TMX3: variants seen among roughly 807,000 people sequenced by gnomAD.
The protein encoded by TMX3 is thioredoxin related transmembrane protein 3.
Under a neutral mutation model 64.4 loss-of-function variants are expected in TMX3, and 40 were observed. The observed-to-expected ratio is 0.62, with a 90% CI of 0.48 to 0.81. The LOEUF (loss-of-function observed/expected upper bound fraction) is 0.81, where lower values mean the gene tolerates loss of function less well. TMX3 is among the 30% of genes least tolerant of loss of function. The pLI is 0.00. For synonymous variants in TMX3, 189 were observed against 175.7 expected, an observed-to-expected ratio of 1.08 and a Z score of -0.60; for missense variants, 497 against 534.5, an observed-to-expected ratio of 0.93 and a Z score of 0.69.
At chr18:68,708,052 T>C (rs1217652877) in intron 4 of TMX3, among the ~76,000 whole-genome samples, 1 of 150,968 alleles carries the variant, frequency 6.6e-6, no homozygotes, top group Non-Finnish European at 1.5e-5. Context: ...TGTGTATATA[T>C]ATGTGTATAT....
chr18:68,706,679 T>C (rs2030706965), intron 4 of TMX3, among the ~76,000 whole-genome samples: 1 of 152,212 alleles, frequency 6.6e-6, no homozygotes. Flanking sequence ...AATCCTTTAG[T>C]GTTCTACAGG....
At chr18:68,702,608 C>G (rs1361648264) in intron 4 of TMX3, among the ~76,000 whole-genome samples, 3 of 152,068 alleles carry the variant, frequency 2.0e-5, no homozygotes, top group African/African-American at 7.2e-5. Context: ...CACGTTATAC[C>G]ATAAAGATAT....
At chr18:68,703,582 T>G (rs2030343109) in intron 4 of TMX3, among the ~76,000 whole-genome samples, 1 of 152,180 alleles carries the variant, frequency 6.6e-6, no homozygotes, top group African/African-American at 2.4e-5. Flanking sequence ...ACAGTTAACA[T>G]TAACCTTCGC....
chr18:68,675,881 TG>T lies in TMX3; in HGVS notation c.*1051del, dbSNP rs1912888485. ...GCTGATCTCTTTTTTTTACACCGGATGTGACTTGTCACTGGACATGCTAATG... is the reference window on the plus strand; with the variant it reads ...GCTGATCTCTTTTTTTTACACCGGATTGACTTGTCACTGGACATGCTAATG... On this transcript the variant is annotated 3_prime_UTR_variant, in exon 16 of 16. Coordinates refer to ENST00000299608, the MANE Select transcript of TMX3 (RefSeq NM_019022.5). 1 of 152,158 alleles carries T rather than the reference TG, an allele frequency of 6.6e-6. No homozygotes were observed. 9.4% of individuals were successfully genotyped at this position (152,158 alleles called of 1,614,324 possible).
chr18:68,701,808 T>C lies in TMX3; in HGVS notation c.266-18A>G. The C allele has an allele frequency of 6.2e-7, 1 of 1,601,068 alleles. No individual in the cohort carries two copies. Among genetic ancestry groups the C allele is most frequent in the Non-Finnish European group, 8.5e-7 (1 of 1,175,658 alleles). On this transcript the variant is annotated intron_variant, in intron 4 of 15. Coordinates refer to ENST00000299608, the MANE Select transcript of TMX3 (RefSeq NM_019022.5). ...AGCAATGCCTTGATAAGAAAAAGAATAAAGCATTCTAAATTTTTTTTAAAT... is the reference window on the plus strand; with the variant it reads ...AGCAATGCCTTGATAAGAAAAAGAACAAAGCATTCTAAATTTTTTTTAAAT...
chr18:68,700,663 C>T, intron 5 of TMX3, 178 bp from the exon 6 acceptor site: 1 of 894,410 alleles, frequency 1.1e-6, no homozygotes, highest in African/African-American at 1.8e-5. Flanking sequence ...GGACCAGTAA[C>T]ACAAAAGAAA....
rs142748298 is a variant in TMX3, at chr18:68,683,155, G to A, written c.849-174C>T. On this transcript the variant is annotated intron_variant, in intron 12 of 15. Coordinates refer to ENST00000299608, the MANE Select transcript of TMX3 (RefSeq NM_019022.5). ...ATGTAAATCATATACAATAAACACT[G>A]CTAAAAGTGTAAATTCTACTGGCTT... Among the ~76,000 whole-genome samples, 3 of 152,194 alleles carry A rather than the reference G, an allele frequency of 2.0e-5. No homozygotes were observed. The East Asian group carries it at 5.8e-4, about 29-fold the overall frequency.
At position 68,687,296 on chromosome 18, in the gene TMX3, C is replaced by T. The variant is rs1914060606; in HGVS notation, c.736+371G>A. ...CCATGCCAATTTAACTTACATTTTT[C>T]CCTTTCACAGGTAAAAGCAGGCCTT... On this transcript the variant is annotated intron_variant, in intron 10 of 15. Coordinates refer to ENST00000299608, the MANE Select transcript of TMX3 (RefSeq NM_019022.5). 3.0e-6 allele frequency: 3 copies of T among 985,276 alleles called. No homozygotes were observed. The African/African-American group carries it at 5.2e-5, about 17-fold the overall frequency. The allele number at this position is 985,276 out of a possible 1,614,324, so 61.0% of individuals were successfully genotyped here.
intron 8 of TMX3, among the ~76,000 whole-genome samples, chr18:68,696,322 C>A (rs891530540): frequency 1.3e-5 from 2 of 151,418 alleles, no homozygotes; most frequent in Non-Finnish European, 2.9e-5. Context: ...TACAGGCGTG[C>A]GCCACCACAC....
chr18:68,695,887 C>G (rs1029528386), intron 8 of TMX3, among the ~76,000 whole-genome samples: 7 of 152,328 alleles, frequency 4.6e-5, no homozygotes, highest in African/African-American at 1.7e-4. Flanking sequence ...ACAATGCCTA[C>G]ACTGCCCTCC....
chr18:68,696,212 C>T (rs1397419426), intron 8 of TMX3, among the ~76,000 whole-genome samples: 2 of 152,162 alleles, frequency 1.3e-5, no homozygotes, highest in Non-Finnish European at 2.9e-5. Flanking sequence ...CTCACTCTGT[C>T]GCCCAGGCTG....
At chr18:68,697,131 T>C in intron 8 of TMX3, 95 bp downstream of exon 8, 1 of 703,814 alleles carries the variant, frequency 1.4e-6, no homozygotes, top group Non-Finnish European at 2.4e-6. Context: ...AAATCAATAA[T>C]TTAATCAAGT....
intron 2 of TMX3, among the ~76,000 whole-genome samples, chr18:68,711,908 T>C (rs2031317576): frequency 6.6e-6 from 1 of 152,188 alleles, no homozygotes; most frequent in African/African-American, 2.4e-5. Flanking sequence ...ATCACTCCCC[T>C]GAAGATGTGC....
chr18:68,693,342 C>T (rs899725137), intron 8 of TMX3, among the ~76,000 whole-genome samples: 1 of 152,076 alleles, frequency 6.6e-6, no homozygotes, highest in Admixed American at 6.5e-5. Context: ...GGGTGGGAGC[C>T]CCACGCTCCC....
chr18:68,714,664 C>A (rs936967627), intron 1 of TMX3, among the ~76,000 whole-genome samples: 1 of 152,272 alleles, frequency 6.6e-6, no homozygotes, highest in Non-Finnish European at 1.5e-5. Context: ...ATTGAAACTT[C>A]TGCCACAATG....
At position 68,676,759 on chromosome 18, in the gene TMX3, T is replaced by TTGC. The variant is rs2092833447; in HGVS notation, c.*171_*173dup. On this transcript the variant is annotated 3_prime_UTR_variant, in exon 16 of 16. Coordinates refer to ENST00000299608, the MANE Select transcript of TMX3 (RefSeq NM_019022.5). ...TGTTTCAGACAAACTGTTCATCTCTTTGCTCCAAACACTTCCCCATGTATG... is the reference window on the plus strand; with the variant it reads ...TGTTTCAGACAAACTGTTCATCTCTTTGCTGCTCCAAACACTTCCCCATGTATG... The TTGC allele has an allele frequency of 2.6e-6, 2 of 757,410 alleles. No homozygotes were observed. The highest frequency in any genetic ancestry group is 4.1e-6 in the Non-Finnish European group (2 of 485,706). 46.9% of individuals were successfully genotyped at this position (757,410 alleles called of 1,614,324 possible). A position where few individuals can be genotyped will look rare whatever the true frequency, so the allele number is the denominator to read the frequency against.
intron 8 of TMX3, chr18:68,696,989 A>C (rs188013832): frequency 1.9e-5 from 6 of 324,286 alleles, no homozygotes; most frequent in Non-Finnish European, 3.4e-5. Context: ...AAAAAACAAG[A>C]AGCACTAATG....
At chr18:68,679,584 CT>C in intron 14 of TMX3, 53 bp from the exon 15 acceptor site, 9 of 1,500,426 alleles carry the variant, frequency 6.0e-6, no homozygotes, top group Non-Finnish European at 8.2e-6. Context: ...ACTTCATTTA[CT>C]TGGTGTTACA....
Position 68,675,426 on chromosome 18 carries a change from A to T in TMX3, c.*1507T>A, listed in dbSNP as rs1912844523. On this transcript the variant is annotated 3_prime_UTR_variant, in exon 16 of 16. Coordinates refer to ENST00000299608, the MANE Select transcript of TMX3 (RefSeq NM_019022.5). ...AAAGAGTACATGGATAAAATAAAAC[A>T]ATCACTAGTAATTCCTTAGTACTTA... 2 of 152,184 alleles carry T rather than the reference A, an allele frequency of 1.3e-5. No homozygotes were observed. Among genetic ancestry groups the T allele is most frequent in the Admixed American group, 1.3e-4 (2 of 15,254 alleles). The allele number at this position is 152,184 out of a possible 1,614,324, so 9.4% of individuals were successfully genotyped here.
Sources: gnomAD v4.1 joint callset for allele counts (sites outside exome capture counted in the v4.1 genomes callset) on GRCh38, gnomAD v4.1.1 for gene constraint, MANE v1.5 for transcripts, NCBI Gene and HGNC (gene_info 2026-07-23, HGNC 2026-07-21) for gene names.